COL13A1: variants seen among roughly 807,000 people sequenced by gnomAD.
The protein encoded by COL13A1 is collagen alpha-1(XIII) chain.
COL13A1 carries 89 observed loss-of-function variants against 130.9 expected under a neutral mutation model. The observed-to-expected ratio is 0.68, with a 90% CI of 0.57 to 0.81. COL13A1 has a LOEUF of 0.81. Among genes scored for constraint, COL13A1 ranks in the 30% least tolerant of loss-of-function variants. The pLI is 0.00. For missense variants in COL13A1, 879 were observed against 934.6 expected (o/e 0.94, Z 0.78); for synonymous variants, 402 against 341.6 (o/e 1.18, Z -1.95).
chr10:69,923,110 C>T (rs1051627233), intron 23 of COL13A1, among the ~76,000 whole-genome samples: 1 of 152,148 alleles, frequency 6.6e-6, no homozygotes, highest in African/African-American at 2.4e-5. Flanking sequence ...GTAACTGAGT[C>T]AAGGATTGAT....
Position 69,887,437 on chromosome 10 carries a change from CTT to C in COL13A1, c.514-18_514-17del. 1.9e-6 allele frequency: 3 copies of C among 1,603,798 alleles called. No individual in the cohort carries two copies. The highest frequency in any genetic ancestry group is 2.6e-6 in the Non-Finnish European group (3 of 1,174,546). ...CCTCCTTGCTCAATCTCATGTGTCT[CTT>C]GTTTTTTTTTTTTCAGGGTCAACCA... On this transcript the variant is annotated splice_polypyrimidine_tract_variant and intron_variant, in intron 7 of 40. Transcript: ENST00000645393.
chr10:69,894,793 C>T (rs2134809424), intron 12 of COL13A1, 92 bp downstream of exon 12: 3 of 1,541,950 alleles, frequency 1.9e-6, no homozygotes, highest in Non-Finnish European at 2.7e-6. Context: ...TTTCAAACTT[C>T]AGTTTTAATT....
At chr10:69,818,765 T>C (rs1203743193) in intron 1 of COL13A1, among the ~76,000 whole-genome samples, 1 of 152,164 alleles carries the variant, frequency 6.6e-6, no homozygotes, top group Non-Finnish European at 1.5e-5. Flanking sequence ...GAGCAGAGTC[T>C]CCCTTCCTCT....
intron 18 of COL13A1, among the ~76,000 whole-genome samples, chr10:69,917,989 C>A (rs1451800172): frequency 2.6e-5 from 4 of 151,744 alleles, no homozygotes; most frequent in Admixed American, 2.6e-4. Context: ...CCAGCCCCAT[C>A]TAGTGCCCCA....
chr10:69,915,590 A>G (rs1002828587), intron 17 of COL13A1, among the ~76,000 whole-genome samples: 2 of 152,240 alleles, frequency 1.3e-5, no homozygotes, highest in Non-Finnish European at 2.9e-5. Context: ...TATAGGGGAT[A>G]GCAAAAAGCT....
In COL13A1 at chr10:69,875,144, T is replaced by C. The variant is rs374025949; in HGVS notation, c.416T>C (p.Ile139Thr). 1.1e-5 allele frequency: 17 copies of C among 1,613,862 alleles called. No individual in the cohort carries two copies. Among genetic ancestry groups the C allele is most frequent in the African/African-American group, 4.0e-5 (3 of 74,890 alleles). The change falls in exon 5 of 41, where the codon ATT becomes ACT. Residue 139 changes from isoleucine (I) to threonine (T), a missense_variant. Ile to Thr is a moderately conservative substitution (Grantham distance 89). Transcript: ENST00000645393. The stretch of plus-strand genomic sequence containing the variant: ...CATCATCAGGGGGACAAAGGTGCCA[T>C]TGGGATGCCTGGACGTGTGGTGAGT... ...RPGLPGDKGAIGMPGRVGVKG... is the reference protein window; with the variant it reads ...RPGLPGDKGATGMPGRVGVKG...
chr10:69,862,825 C>G (rs1564876923), intron 2 of COL13A1, among the ~76,000 whole-genome samples: 1 of 152,286 alleles, frequency 6.6e-6, no homozygotes, highest in South Asian at 2.1e-4. Context: ...GGAACAATAA[C>G]CAACAATACT....
At chr10:69,930,012 T>G in intron 28 of COL13A1, 31 bp from the exon 29 acceptor site, 6 of 1,609,494 alleles carry the variant, frequency 3.7e-6, no homozygotes, top group South Asian at 1.1e-5. Flanking sequence ...TTCTCTGCCC[T>G]GAGAGTCACC....
intron 34 of COL13A1, 85 bp downstream of exon 34, chr10:69,937,800 A>C: frequency 1.4e-6 from 1 of 710,566 alleles, no homozygotes; most frequent in Non-Finnish European, 2.5e-6. Context: ...GCGGAAAGCT[A>C]AGGTTCTAGA....
intron 2 of COL13A1, among the ~76,000 whole-genome samples, chr10:69,867,199 C>A (rs539750766): frequency 6.6e-6 from 1 of 152,108 alleles, no homozygotes; most frequent in Non-Finnish European, 1.5e-5. Context: ...AGGGTGGGGC[C>A]GGAGCCCGAG....
chr10:69,916,282 G>A (rs2063910015), intron 17 of COL13A1, among the ~76,000 whole-genome samples: 1 of 152,242 alleles, frequency 6.6e-6, no homozygotes. Context: ...GAGCAGGATT[G>A]TCACACTCTG....
intron 17 of COL13A1, among the ~76,000 whole-genome samples, chr10:69,916,525 C>T (rs1431431423): frequency 6.6e-6 from 1 of 152,230 alleles, no homozygotes; most frequent in African/African-American, 2.4e-5. Context: ...TCATCTCCAA[C>T]TCCACCTCCT....
chr10:69,925,657 T>C, intron 25 of COL13A1, 147 bp from the exon 26 acceptor site: 1 of 631,628 alleles, frequency 1.6e-6, no homozygotes, highest in South Asian at 1.9e-5. Context: ...CTGAGAGTGT[T>C]CAGAATCCCC....
chr10:69,849,711 G>A (rs1465176478), intron 2 of COL13A1, among the ~76,000 whole-genome samples: 3 of 152,098 alleles, frequency 2.0e-5, no homozygotes, highest in East Asian at 1.9e-4. Context: ...TGTGCCCAGC[G>A]CAGACCTCTG....
chr10:69,842,008 T>G (rs3886687), intron 2 of COL13A1, among the ~76,000 whole-genome samples: 34,999 of 152,114 alleles, frequency 0.23, 4,278 homozygotes, highest in Non-Finnish European at 0.27. Context: ...AGCAGGACCA[T>G]GACCTAACCA....
intron 3 of COL13A1, among the ~76,000 whole-genome samples, chr10:69,870,447 G>A (rs1326435226): frequency 6.6e-6 from 1 of 150,834 alleles, no homozygotes; most frequent in Non-Finnish European, 1.5e-5. Context: ...CAAGTAGCTA[G>A]GACTACAGGC....
rs1840320153 is a variant in COL13A1 at position 69,802,609 on chromosome 10, C to T, written c.186C>T (p.His62=). Residue 62 remains histidine, a synonymous_variant, in exon 1 of 41, where the codon CAC becomes CAT. Transcript: ENST00000645393. The part of the protein sequence containing the change: ...LCSLALSLLA[H]FRTAELQARV... ...CGCTGGCACTCAGCCTGCTCGCCCACTTTCGGACGGCCGAGCTGCAGGCCC... is the reference window on the plus strand; with the variant it reads ...CGCTGGCACTCAGCCTGCTCGCCCATTTTCGGACGGCCGAGCTGCAGGCCC... 5.0e-6 allele frequency: 8 copies of T among 1,613,120 alleles called. No individual in the cohort carries two copies. The highest frequency in any genetic ancestry group is 6.8e-6 in the Non-Finnish European group (8 of 1,179,496).
chr10:69,890,044 C>T (rs1007735509), intron 10 of COL13A1, among the ~76,000 whole-genome samples: 2 of 152,208 alleles, frequency 1.3e-5, no homozygotes, highest in Non-Finnish European at 2.9e-5. Context: ...GTCTTCTCTT[C>T]CATGTCACAG....
intron 1 of COL13A1, among the ~76,000 whole-genome samples, chr10:69,813,261 T>C (rs1368252638): frequency 2.0e-5 from 3 of 152,326 alleles, no homozygotes; most frequent in East Asian, 1.9e-4. Flanking sequence ...CTTGAGGTCC[T>C]GGGCCCCTTG....
Sources: gnomAD v4.1 joint callset for allele counts (sites outside exome capture counted in the v4.1 genomes callset) on GRCh38, gnomAD v4.1.1 for gene constraint, MANE v1.5 for transcripts, NCBI Gene and HGNC (gene_info 2026-07-23, HGNC 2026-07-21) for gene names.